Variants in GABRB1 observed in about 807,000 individuals in gnomAD.
The protein encoded by GABRB1 is gamma-aminobutyric acid type A receptor subunit beta1, also known as gamma-aminobutyric acid receptor subunit beta-1.
A neutral mutation model predicts 51.6 loss-of-function variants in GABRB1; 17 were observed. The ratio of observed to expected loss-of-function variants is 0.33; its 90% CI spans 0.23 to 0.49. GABRB1 has a LOEUF of 0.49. Among genes scored for constraint, GABRB1 ranks in the 20% least tolerant of loss-of-function variants. The pLI is 0.99. For synonymous variants in GABRB1, 247 were observed against 218.9 expected, an observed-to-expected ratio of 1.13 and a Z score of -1.14; for missense variants, 410 against 600.6, an observed-to-expected ratio of 0.68 and a Z score of 3.32.
intron 4 of GABRB1, among the ~76,000 whole-genome samples, chr4:47,240,001 G>C (rs1721465392): frequency 6.6e-6 from 1 of 152,300 alleles, no homozygotes; most frequent in Admixed American, 6.5e-5. Context: ...TGGTGGATTA[G>C]CAGCAGCAGC....
intron 4 of GABRB1, among the ~76,000 whole-genome samples, chr4:47,250,833 T>A (rs1405026828): frequency 6.6e-6 from 1 of 152,194 alleles, no homozygotes; most frequent in African/African-American, 2.4e-5. Flanking sequence ...TTTCCTTGAA[T>A]GGTTCTCCCT....
At chr4:47,087,680 G>GA (rs1174829406) in intron 3 of GABRB1, among the ~76,000 whole-genome samples, 1 of 151,802 alleles carries the variant, frequency 6.6e-6, no homozygotes, top group African/African-American at 2.4e-5. Flanking sequence ...GTTTTCCTTT[G>GA]AAAAAACATT....
intron 3 of GABRB1, among the ~76,000 whole-genome samples, chr4:47,112,847 GAAATTATAAATATGTATAATTATA>G (rs1715288567): frequency 6.6e-6 from 1 of 151,966 alleles, no homozygotes; most frequent in South Asian, 2.1e-4. Context: ...ACTTGCCTGT[GAAATTATAAATATGTATAATTATA>G]AAATTATCTT....
Position 47,063,922 on chromosome 4 carries a change from G to A in GABRB1, c.240+31438G>A, listed in dbSNP as rs187532672. ...CTGGGGGAGAGCATTAGAGAAAAGA[G>A]CTAATGCATGCTGGGCTTAATACCT... is the stretch of plus-strand genomic sequence containing the variant. On this transcript the variant is annotated intron_variant, in intron 3 of 8. Coordinates refer to ENST00000295454, the MANE Select transcript of GABRB1 (RefSeq NM_000812.4). 5.3e-5 allele frequency among the ~76,000 whole-genome samples: 8 copies of A among 152,238 alleles called. No individual in the cohort carries two copies. In the East Asian group the frequency reaches 1.5e-3, roughly 29 times the overall value.
intron 4 of GABRB1, among the ~76,000 whole-genome samples, chr4:47,261,894 C>T (rs1046593953): frequency 2.0e-5 from 3 of 152,086 alleles, no homozygotes; most frequent in African/African-American, 7.2e-5. Context: ...CGCCGCATAT[C>T]TACAACTATC....
intron 1 of GABRB1, among the ~76,000 whole-genome samples, chr4:46,999,258 A>G (rs1724106045): frequency 2.0e-5 from 3 of 152,178 alleles, no homozygotes; most frequent in Admixed American, 2.0e-4. Context: ...TGCCTATTTT[A>G]TGATGAATAT....
chr4:47,394,654 T>A (rs1728119739), intron 5 of GABRB1, among the ~76,000 whole-genome samples: 1 of 152,214 alleles, frequency 6.6e-6, no homozygotes, highest in South Asian at 2.1e-4. Context: ...TTATTTTGAT[T>A]CCATCTATCT....
Position 47,350,759 on chromosome 4 carries a change from A to AGGTG in GABRB1, c.544+30550_544+30551insGGTG, listed in dbSNP as rs1726297870. Among the ~76,000 whole-genome samples the AGGTG allele has an allele frequency of 2.6e-5, 4 of 152,258 alleles. No individual in the cohort carries two copies. The South Asian group carries it at 8.3e-4, about 32-fold the overall frequency. ...GTAGAGTGCTATAAACCCTGATGAC[A>AGGTG]CGATGCAAACAAATCAACTCTGGAT... On this transcript the variant is annotated intron_variant, in intron 5 of 8. Transcript: ENST00000295454.
intron 8 of GABRB1, among the ~76,000 whole-genome samples, chr4:47,422,114 T>C (rs1025828624): frequency 6.6e-6 from 1 of 151,540 alleles, no homozygotes; most frequent in Non-Finnish European, 1.5e-5. Context: ...TCACCTGATC[T>C]CAAATCCCCA....
intron 4 of GABRB1, among the ~76,000 whole-genome samples, chr4:47,215,350 G>T (rs1209521229): frequency 2.6e-5 from 4 of 152,008 alleles, no homozygotes. Flanking sequence ...TATTGCTGTT[G>T]CTTTGTATAA....
At chr4:47,232,273 C>A (rs1016411835) in intron 4 of GABRB1, among the ~76,000 whole-genome samples, 1 of 152,098 alleles carries the variant, frequency 6.6e-6, no homozygotes, top group Non-Finnish European at 1.5e-5. Context: ...TTCCTAATTG[C>A]CAAATCCAGA....
chr4:47,113,544 A>T (rs1715329575), intron 3 of GABRB1, among the ~76,000 whole-genome samples: 1 of 152,228 alleles, frequency 6.6e-6, no homozygotes, highest in East Asian at 1.9e-4. Flanking sequence ...AAAATTAATC[A>T]AAAGAAACCT....
At chr4:47,023,668 T>C (rs1725001292) in intron 1 of GABRB1, among the ~76,000 whole-genome samples, 1 of 152,024 alleles carries the variant, frequency 6.6e-6, no homozygotes, top group African/African-American at 2.4e-5. Flanking sequence ...GTTAATTTCT[T>C]TCTAGTCATT....
At chr4:47,342,071 C>T (rs1319843688) in intron 5 of GABRB1, among the ~76,000 whole-genome samples, 2 of 152,122 alleles carry the variant, frequency 1.3e-5, no homozygotes, top group Admixed American at 1.3e-4. Context: ...GACTAGTGTG[C>T]AGAAGTCTGA....
rs142417199 is a variant in GABRB1 at position 47,310,365 on chromosome 4, C to A, written c.462-9762C>A. Among the ~76,000 whole-genome samples, 781 of 152,208 alleles carry A rather than the reference C, an allele frequency of 5.1e-3. 4 individuals carry two copies. The highest frequency in any genetic ancestry group is 8.0e-3 in the Non-Finnish European group (545 of 68,002). On this transcript the variant is annotated intron_variant, in intron 4 of 8. Coordinates refer to ENST00000295454, the MANE Select transcript of GABRB1 (RefSeq NM_000812.4). ...AGCTGGATGTTTTTAATTGCTGTAG[C>A]CAATGCTTACAGAATTGCCTGATTC...
intron 3 of GABRB1, among the ~76,000 whole-genome samples, chr4:47,160,883 C>A (rs1717918177): frequency 6.6e-6 from 1 of 151,926 alleles, no homozygotes; most frequent in Admixed American, 6.6e-5. Context: ...GTCTCCTGGG[C>A]ACAAGAGATC....
At chr4:47,046,697 A>G (rs1577856962) in intron 3 of GABRB1, among the ~76,000 whole-genome samples, 1 of 110,718 alleles carries the variant, frequency 9.0e-6, no homozygotes, top group Admixed American at 7.9e-5. Context: ...GGAAAATAGT[A>G]TTAGGAAATC....
At chr4:47,418,317 A>G (rs187388425) in intron 8 of GABRB1, among the ~76,000 whole-genome samples, 60 of 152,328 alleles carry the variant, frequency 3.9e-4, no homozygotes, top group Admixed American at 2.9e-3. Context: ...CTCAGATGAG[A>G]GTTGATTTTG....
intron 1 of GABRB1, among the ~76,000 whole-genome samples, chr4:47,008,571 T>C (rs1054460476): frequency 3.3e-5 from 5 of 151,240 alleles, no homozygotes; most frequent in Non-Finnish European, 1.5e-5. Context: ...CAAGTGATTC[T>C]CCTGCCTCAG....
Sources: allele counts gnomAD v4.1 joint callset (sites outside exome capture counted in the v4.1 genomes callset), GRCh38; gene constraint gnomAD v4.1.1; transcripts MANE v1.5; gene names NCBI Gene and HGNC (gene_info 2026-07-23, HGNC 2026-07-21).